GLIPR1L1: variants seen among roughly 807,000 people sequenced by gnomAD.
GLIPR1L1 encodes GLIPR1 like 1, also known as GLIPR1-like protein 1.
Under a neutral mutation model 29.9 loss-of-function variants are expected in GLIPR1L1, and 26 were observed. That is an observed-to-expected ratio of 0.87 (90% confidence interval 0.64 to 1.21). The LOEUF (loss-of-function observed/expected upper bound fraction) is 1.21, where lower values mean the gene tolerates loss of function less well. GLIPR1L1 is among the 50% of genes most tolerant of loss of function. The pLI is 0.00. For synonymous variants in GLIPR1L1, 77 were observed against 97.5 expected, an observed-to-expected ratio of 0.79 and a Z score of 1.24; for missense variants, 305 against 290.3, an observed-to-expected ratio of 1.05 and a Z score of -0.37.
intron 4 of GLIPR1L1, among the ~76,000 whole-genome samples, chr12:75,368,856 A>T (rs887271700): frequency 2.0e-5 from 3 of 151,830 alleles, no homozygotes; most frequent in Admixed American, 6.6e-5. Flanking sequence ...TTAATTACTA[A>T]TTTTTTTCAT....
chr12:75,337,124 T>C (rs2041789001), intron 1 of GLIPR1L1, among the ~76,000 whole-genome samples: 1 of 151,830 alleles, frequency 6.6e-6, no homozygotes, highest in Non-Finnish European at 1.5e-5. Flanking sequence ...GAAGCATACG[T>C]ATAGATTTAA....
intron 1 of GLIPR1L1, among the ~76,000 whole-genome samples, chr12:75,338,458 T>C (rs1206675525): frequency 6.6e-6 from 1 of 152,170 alleles, no homozygotes; most frequent in Non-Finnish European, 1.5e-5. Context: ...ATCATCTCAA[T>C]AGAGTCATGA....
chr12:75,338,624 T>C (rs1170374832), intron 1 of GLIPR1L1, among the ~76,000 whole-genome samples: 2 of 152,050 alleles, frequency 1.3e-5, no homozygotes, highest in East Asian at 1.9e-4. Context: ...CTGGGGTACA[T>C]GTGCAGGATG....
chr12:75,353,150 T>A (rs1421389555), intron 3 of GLIPR1L1, among the ~76,000 whole-genome samples: 2 of 150,176 alleles, frequency 1.3e-5, no homozygotes, highest in East Asian at 2.0e-4. Context: ...AAGATCAGAG[T>A]GAAACTAAAG....
intron 1 of GLIPR1L1, among the ~76,000 whole-genome samples, chr12:75,341,154 C>T (rs1329065953): frequency 6.6e-6 from 1 of 152,250 alleles, no homozygotes; most frequent in African/African-American, 2.4e-5. Context: ...TAAAAACCTG[C>T]TCACAAATAT....
In GLIPR1L1 at chr12:75,363,196, C is replaced by G; in HGVS notation, c.610+6C>G. On this transcript the variant is annotated splice_donor_region_variant and intron_variant, in intron 4 of 5. Coordinates refer to ENST00000378695, the MANE Select transcript of GLIPR1L1 (RefSeq NM_001304964.2). The stretch of plus-strand genomic sequence containing the variant: ...ATGTGTAAAGAACCTCTGCAGTAAG[C>G]AAAAATATATATATATAATTACATT... The G allele has an allele frequency of 1.6e-6, 2 of 1,289,490 alleles. No homozygotes were observed. Among genetic ancestry groups the G allele is most frequent in the Non-Finnish European group, 2.1e-6 (2 of 953,952 alleles). 79.9% of individuals were successfully genotyped at this position (1,289,490 alleles called of 1,614,324 possible).
intron 3 of GLIPR1L1, among the ~76,000 whole-genome samples, chr12:75,352,870 T>A (rs1431367001): frequency 1.3e-5 from 2 of 152,162 alleles, no homozygotes; most frequent in Non-Finnish European, 2.9e-5. Context: ...TACATGGAAA[T>A]TGAGCAACCT....
At chr12:75,369,083 C>A (rs2044184943) in intron 4 of GLIPR1L1, among the ~76,000 whole-genome samples, 1 of 151,734 alleles carries the variant, frequency 6.6e-6, no homozygotes, top group African/African-American at 2.4e-5. Flanking sequence ...GAGAGATACG[C>A]AATATAGCAT....
chr12:75,350,251 G>A lies in GLIPR1L1; in HGVS notation c.521+2529G>A, dbSNP rs147466090. Among the ~76,000 whole-genome samples the A allele has an allele frequency of 1.1e-3, 171 of 152,322 alleles. 1 individual carries two copies. The highest frequency in any genetic ancestry group is 3.6e-3 in the African/African-American group (151 of 41,580). ...CAGATCTCTGATTTCCCTGAGAGGA[G>A]CCCCTAGGAGGAGGGGCAGCCACAG... is the stretch of plus-strand genomic sequence containing the variant. On this transcript the variant is annotated intron_variant, in intron 3 of 5. Coordinates refer to ENST00000378695, the MANE Select transcript of GLIPR1L1 (RefSeq NM_001304964.2).
rs1246949477 is a variant in GLIPR1L1 at position 75,363,162 on chromosome 12, A to G, written c.582A>G (p.Lys194=). Residue 194 remains lysine, a synonymous_variant, in exon 4 of 6, where the codon AAA becomes AAG. Transcript: ENST00000378695. ...GAGAATCTTGCTCTCTCTGCTCAAA[A>G]GAAGAGAAATGTGTAAAGAACCTCT... The part of the protein sequence containing the change: ...VRGESCSLCS[K]EEKCVKNLCR... The G allele has an allele frequency of 6.5e-7, 1 of 1,547,550 alleles. No homozygotes were observed. The highest frequency in any genetic ancestry group is 8.7e-7 in the Non-Finnish European group (1 of 1,153,572).
chr12:75,357,687 A>G (rs1001423020), intron 3 of GLIPR1L1, among the ~76,000 whole-genome samples: 3 of 152,124 alleles, frequency 2.0e-5, no homozygotes, highest in Admixed American at 6.5e-5. Context: ...ATTAAATTAC[A>G]AATTAACAGA....
chr12:75,360,221 C>G (rs1262610655), intron 3 of GLIPR1L1: 1 of 152,120 alleles, frequency 6.6e-6, no homozygotes, highest in East Asian at 1.9e-4. Context: ...TATCATTCTG[C>G]CCCAGCCCAT....
intron 4 of GLIPR1L1, chr12:75,366,960 G>A: frequency 8.6e-6 from 6 of 701,682 alleles, no homozygotes; most frequent in Non-Finnish European, 1.6e-5. Context: ...GTCACCCAAG[G>A]GGCAGCTTGC....
At chr12:75,355,739 A>G (rs775097096) in intron 3 of GLIPR1L1, among the ~76,000 whole-genome samples, 10 of 152,236 alleles carry the variant, frequency 6.6e-5, no homozygotes, top group Admixed American at 1.3e-4. Flanking sequence ...AATGCCCATC[A>G]ATGACAGACT....
In GLIPR1L1 at chr12:75,366,797, C is replaced by G. The variant is rs1334162640; in HGVS notation, c.611-3163C>G. 9 of 693,476 alleles carry G rather than the reference C, an allele frequency of 1.3e-5. No individual in the cohort carries two copies. In the Admixed American group the frequency reaches 1.8e-4, roughly 14 times the overall value. 43.0% of individuals were successfully genotyped at this position (693,476 alleles called of 1,614,324 possible). On this transcript the variant is annotated intron_variant, in intron 4 of 5. Transcript: ENST00000378695. Reference sequence around the variant, plus strand: ...TGTCTCAGTTTCTCTCTTCAGAGGTCTATCACCTCTGAGAGGGCTAAAAAT... The same window carrying G: ...TGTCTCAGTTTCTCTCTTCAGAGGTGTATCACCTCTGAGAGGGCTAAAAAT...
chr12:75,366,522 C>A (rs1017484984), intron 4 of GLIPR1L1, among the ~76,000 whole-genome samples: 2 of 152,106 alleles, frequency 1.3e-5, no homozygotes, highest in African/African-American at 4.8e-5. Context: ...TACTAGTAAA[C>A]CTGGCATGCC....
intron 1 of GLIPR1L1, among the ~76,000 whole-genome samples, chr12:75,339,318 T>C (rs1412110997): frequency 6.6e-6 from 1 of 152,180 alleles, no homozygotes; most frequent in Non-Finnish European, 1.5e-5. Context: ...TGGTATCCAA[T>C]TGTGGTTTTG....
intron 4 of GLIPR1L1, among the ~76,000 whole-genome samples, chr12:75,369,226 C>G (rs995555147): frequency 4.6e-5 from 7 of 151,900 alleles, no homozygotes; most frequent in Non-Finnish European, 7.4e-5. Flanking sequence ...TTAGCTATTA[C>G]TATAATTCAG....
intron 3 of GLIPR1L1, among the ~76,000 whole-genome samples, chr12:75,357,856 T>A (rs1209098184): frequency 1.3e-5 from 2 of 150,978 alleles, no homozygotes; most frequent in African/African-American, 4.9e-5. Context: ...ACAGTAATTA[T>A]GAGAAAATTT....
Sources: allele counts gnomAD v4.1 joint callset (sites outside exome capture counted in the v4.1 genomes callset), GRCh38; gene constraint gnomAD v4.1.1; transcripts MANE v1.5; gene names NCBI Gene and HGNC (gene_info 2026-07-23, HGNC 2026-07-21).